PSMC3: variants seen among roughly 807,000 people sequenced by gnomAD.
PSMC3 encodes the protein proteasome 26S subunit, ATPase 3, also known as 26S proteasome regulatory subunit 6A.
In PSMC3, 11 loss-of-function variants were observed where a neutral mutation model predicts 52.0. The observed-to-expected ratio is 0.21, with a 90% confidence interval of 0.13 to 0.35. PSMC3 has a LOEUF of 0.35. Ranked by LOEUF, PSMC3 falls within the 10% of genes least tolerant of loss-of-function variation. The pLI is 1.00. For missense variants in PSMC3, 238 were observed against 567.1 expected (o/e 0.42, Z 5.89); for synonymous variants, 201 against 218.8 (o/e 0.92, Z 0.72).
At position 47,424,198 on chromosome 11, in the gene PSMC3, C is replaced by T. The variant is rs774526675; in HGVS notation, c.454-15G>A. The T allele has an allele frequency of 2.5e-6, 4 of 1,614,218 alleles. No individual in the cohort carries two copies. The highest frequency in any genetic ancestry group is 2.5e-6 in the Non-Finnish European group (3 of 1,180,042). ...TTGTTCACACCCTAAGGACACAGCA[C>T]AGGGCCTTCAGATTTGGCCCAGCTC... On this transcript the variant is annotated splice_polypyrimidine_tract_variant and intron_variant, in intron 5 of 11. Coordinates refer to ENST00000298852, the MANE Select transcript of PSMC3 (RefSeq NM_002804.5). This position sits in a 1 kb window ranked among gnomAD's most constrained non-coding sequence, Gnocchi z 4.8.
At chr11:47,420,492 C>T in intron 9 of PSMC3, 83 bp from the exon 10 acceptor site, 2 of 1,549,036 alleles carry the variant, frequency 1.3e-6, no homozygotes, top group Non-Finnish European at 1.8e-6. Flanking sequence ...AGAGGCAGCC[C>T]CCAGAGTGCA....
In PSMC3 at chr11:47,420,246, G is replaced by A. The variant is rs2096038812; in HGVS notation, c.1127+18C>T. On this transcript the variant is annotated intron_variant, in intron 10 of 11. Transcript: ENST00000298852. ...GCGCCTGTTCAGGTCTCTGTGCCCT[G>A]CCCGTGCTCCTGCTCACCTGACATT... The A allele has an allele frequency of 1.9e-6, 3 of 1,613,480 alleles. No individual in the cohort carries two copies. Among genetic ancestry groups the A allele is most frequent in the African/African-American group, 2.7e-5 (2 of 74,898 alleles).
chr11:47,424,329 A>T lies in PSMC3; in HGVS notation c.453+100T>A. ...AGTAGACAGAATCCCAGACTCTCGG[A>T]GCTGTTCTGCCAAGATTCAGAGCCA... On this transcript the variant is annotated intron_variant, in intron 5 of 11. Transcript: ENST00000298852. This position sits in a 1 kb window ranked among gnomAD's most constrained non-coding sequence, Gnocchi z 4.8. 6.4e-7 allele frequency: 1 copy of T among 1,557,710 alleles called. No individual in the cohort carries two copies. Among genetic ancestry groups the T allele is most frequent in the Non-Finnish European group, 8.8e-7 (1 of 1,130,150 alleles).
At chr11:47,425,686 C>G in intron 2 of PSMC3, 181 bp downstream of exon 2, 2 of 588,200 alleles carry the variant, frequency 3.4e-6, no homozygotes, top group Non-Finnish European at 6.0e-6. Flanking sequence ...CCCACCACCC[C>G]CTACCTGTCT....
intron 3 of PSMC3, 48 bp downstream of exon 3, chr11:47,425,073 C>T: frequency 6.2e-7 from 1 of 1,612,770 alleles, no homozygotes; most frequent in Non-Finnish European, 8.5e-7. Flanking sequence ...CCCAGGCTGT[C>T]CCCATTCCCT....
chr11:47,423,520 C>G (rs181643108), intron 6 of PSMC3, among the ~76,000 whole-genome samples: 11 of 152,120 alleles, frequency 7.2e-5, no homozygotes, highest in South Asian at 2.1e-4. Flanking sequence ...GGAGCAGTGG[C>G]TCATGCCTGT....
rs2096044495 is a variant in PSMC3 at position 47,424,747 on chromosome 11, C to T, written c.286-36G>A. ...AAAAATACTCAGCTCCTTGAACTCCCCAAGGCCCAGTGCTTCCTAAGACAG... is the reference window on the plus strand; with the variant it reads ...AAAAATACTCAGCTCCTTGAACTCCTCAAGGCCCAGTGCTTCCTAAGACAG... On this transcript the variant is annotated intron_variant, in intron 3 of 11. Coordinates refer to ENST00000298852, the MANE Select transcript of PSMC3 (RefSeq NM_002804.5). This position sits in a 1 kb window ranked among gnomAD's most constrained non-coding sequence, Gnocchi z 4.8. 6.6e-7 allele frequency: 1 copy of T among 1,516,328 alleles called. No individual in the cohort carries two copies. The highest frequency in any genetic ancestry group is 9.2e-7 in the Non-Finnish European group (1 of 1,091,158). The allele number at this position is 1,516,328 out of a possible 1,614,324, so 93.9% of individuals were successfully genotyped here.
intron 10 of PSMC3, among the ~76,000 whole-genome samples, chr11:47,419,602 A>G (rs182389891): frequency 2.3e-3 from 353 of 152,016 alleles, no homozygotes; most frequent in African/African-American, 3.9e-3. Context: ...GCTCATACCT[A>G]TAATCCCAGC....
At chr11:47,420,534 C>T in intron 9 of PSMC3, 97 bp downstream of exon 9, 2 of 1,516,766 alleles carry the variant, frequency 1.3e-6, no homozygotes, top group Non-Finnish European at 1.8e-6. Flanking sequence ...AAGACAGATC[C>T]CAATTCTCAT....
intron 1 of PSMC3, 60 bp downstream of exon 1, chr11:47,426,145 T>C (rs1212652130): frequency 1.3e-6 from 2 of 1,517,004 alleles, no homozygotes; most frequent in Middle Eastern, 4.6e-4. Flanking sequence ...CCTTCCCTCT[T>C]GTCAATGGCG....
Position 47,420,402 on chromosome 11 carries a change from G to C in PSMC3, c.989C>G (p.Ala330Gly). ...CAGGATGTCCACCCTGTTTGTGGCT[G>C]CAATTACCTGAGGAAGAGAAGCCAC... ...FQPNTQVKVI[A>G]ATNRVDILDP... is the part of the protein sequence containing the mutation. The change falls in exon 10 of 12, where the codon GCA (alanine) becomes GGA (glycine). Residue 330 changes from alanine (A) to glycine (G), a missense_variant. Physicochemically the swap from Ala to Gly is moderately conservative, Grantham distance 60 (BLOSUM62 0). Around this residue, in one of 6 missense-constraint regions of PSMC3, gnomAD observed 46 missense variants for 172.9 expected, o/e 0.27. Transcript: ENST00000298852. The C allele has an allele frequency of 1.9e-6, 3 of 1,611,630 alleles. No homozygotes were observed. The highest frequency in any genetic ancestry group is 2.5e-6 in the Non-Finnish European group (3 of 1,178,366).
chr11:47,419,861 A>G (rs2096038229), intron 10 of PSMC3, among the ~76,000 whole-genome samples: 1 of 151,858 alleles, frequency 6.6e-6, no homozygotes, highest in South Asian at 2.1e-4. Context: ...ACTGTCTCCA[A>G]AAATTAAAAA....
rs557450167 is a variant in PSMC3 at position 47,422,057 on chromosome 11, T to G, written c.884+517A>C. Reference sequence around the variant, plus strand: ...TTTTTTGTTTTGTTTTCTTTTTTTTTTTTTGAGACAGAGTCTCACTCTTTC... The same window carrying G: ...TTTTTTGTTTTGTTTTCTTTTTTTTGTTTTGAGACAGAGTCTCACTCTTTC... On this transcript the variant is annotated intron_variant, in intron 8 of 11. Coordinates refer to ENST00000298852, the MANE Select transcript of PSMC3 (RefSeq NM_002804.5). This position sits in a 1 kb window ranked among gnomAD's most constrained non-coding sequence, Gnocchi z 4.3. 1.2e-4 allele frequency among the ~76,000 whole-genome samples: 18 copies of G among 151,930 alleles called. No individual in the cohort carries two copies. Among genetic ancestry groups the G allele is most frequent in the African/African-American group, 4.3e-4 (18 of 41,440 alleles).
rs760200038 is a variant in PSMC3, at chr11:47,425,858, T to G, written c.159+9A>C. ...GGCTCCATCGCCCGCACAGGAGCTG[T>G]GCGCCCACCTTGATCTCACTGTCCA... is the stretch of plus-strand genomic sequence containing the variant. On this transcript the variant is annotated intron_variant, in intron 2 of 11. Transcript: ENST00000298852. 2.5e-6 allele frequency: 4 copies of G among 1,612,106 alleles called. No homozygotes were observed. The highest frequency in any genetic ancestry group is 3.4e-6 in the Non-Finnish European group (4 of 1,178,624).
intron 6 of PSMC3, 75 bp from the exon 7 acceptor site, chr11:47,423,048 C>T: frequency 7.1e-7 from 1 of 1,416,930 alleles, no homozygotes; most frequent in Non-Finnish European, 9.6e-7. Context: ...TGGCTCCAAC[C>T]CCAATCTGCA....
chr11:47,426,315 G>C lies in PSMC3; in HGVS notation c.-36C>G, dbSNP rs1320972861. ...AGCGGGCAGAAGATGGGACCAGGCG[G>C]GAGCCGCAACGGGAGATTAATACCG... On this transcript the variant is annotated 5_prime_UTR_variant, in exon 1 of 12. Transcript: ENST00000298852. 2.0e-6 allele frequency: 3 copies of C among 1,519,936 alleles called. No individual in the cohort carries two copies. Among genetic ancestry groups the C allele is most frequent in the Non-Finnish European group, 2.7e-6 (3 of 1,123,262 alleles). 94.2% of individuals were successfully genotyped at this position (1,519,936 alleles called of 1,614,324 possible). A position where few individuals can be genotyped will look rare whatever the true frequency, so the allele number is the denominator to read the frequency against.
At chr11:47,425,634 TG>T in intron 2 of PSMC3, 1 of 552,284 alleles carries the variant, frequency 1.8e-6, no homozygotes. Flanking sequence ...CAGTTCTCAC[TG>T]GGAAAGGCAA....
At chr11:47,426,043 GCC>G (rs2096046021) in intron 1 of PSMC3, 93 bp from the exon 2 acceptor site, 6 of 1,424,414 alleles carry the variant, frequency 4.2e-6, no homozygotes. Flanking sequence ...CAGTTTCCAC[GCC>G]CATAAAACCA....
intron 10 of PSMC3, among the ~76,000 whole-genome samples, chr11:47,419,883 G>A (rs1017647590): frequency 6.6e-6 from 1 of 150,404 alleles, no homozygotes; most frequent in African/African-American, 2.4e-5. Context: ...AAAAAAAAAA[G>A]TAAGGCTGAG....
Sources: gnomAD v4.1 joint callset for allele counts (sites outside exome capture counted in the v4.1 genomes callset) on GRCh38, gnomAD v4.1.1 for gene constraint, gnomAD v4.1.1 regional missense constraint, Gnocchi (gnomAD v3.1) non-coding constraint, MANE v1.5 for transcripts, NCBI Gene and HGNC (gene_info 2026-07-23, HGNC 2026-07-21) for gene names.